The following TMPRSS6 variants were observed in gnomAD, a reference collection of about 807,000 sequenced individuals.
TMPRSS6 encodes the protein transmembrane serine protease 6, also known as transmembrane protease serine 6.
TMPRSS6 carries 67 observed loss-of-function variants against 101.5 expected under a neutral mutation model. That is an observed-to-expected ratio of 0.66 (90% confidence interval 0.54 to 0.81). The LOEUF is 0.81. Ranked by LOEUF, TMPRSS6 falls within the 30% of genes least tolerant of loss-of-function variation. TMPRSS6 has a pLI of 0.00. For missense variants in TMPRSS6, 1,034 were observed against 1,088.7 expected (o/e 0.95, Z 0.71); for synonymous variants, 453 against 464.9 (o/e 0.97, Z 0.33).
At chr22:37,074,753 G>A (rs1248385144) in intron 11 of TMPRSS6, 45 bp from the exon 12 acceptor site, 1 of 1,598,442 alleles carries the variant, frequency 6.3e-7, no homozygotes, top group South Asian at 1.1e-5. Flanking sequence ...GGCGCCATTA[G>A]GCCATGCGTA....
chr22:37,078,961 A>G lies in TMPRSS6; in HGVS notation c.1197-3681T>C, dbSNP rs549055867. ...GGAGAAGGAGAAGGAGAAAAAGAGA[A>G]AGAAAGAAAGAAAAAGAAAGAAAGA... On this transcript the variant is annotated intron_variant, in intron 10 of 17. Transcript: ENST00000676104. 6.9e-3 allele frequency among the ~76,000 whole-genome samples: 639 copies of G among 92,280 alleles called. 11 individuals carry two copies. The highest frequency in any genetic ancestry group is 0.023 in the African/African-American group (568 of 24,756). The allele number at this position is 92,280 out of a possible 152,430, so 60.5% of individuals were successfully genotyped here. A position where few individuals can be genotyped will look rare whatever the true frequency, so the allele number is the denominator to read the frequency against.
chr22:37,085,499 T>C (rs1232054666), intron 8 of TMPRSS6, among the ~76,000 whole-genome samples: 2 of 150,010 alleles, frequency 1.3e-5, no homozygotes, highest in East Asian at 3.9e-4. Context: ...GGGAGAAGAG[T>C]GGGGAGAGAG....
intron 2 of TMPRSS6, 40 bp from the exon 3 acceptor site, chr22:37,098,589 G>A: frequency 6.2e-7 from 1 of 1,613,932 alleles, no homozygotes; most frequent in Non-Finnish European, 8.5e-7. Flanking sequence ...GGAGGAAGCA[G>A]GTGGGAAAGT....
At chr22:37,102,028 G>A (rs886202448) in intron 2 of TMPRSS6, among the ~76,000 whole-genome samples, 6 of 141,440 alleles carry the variant, frequency 4.2e-5, no homozygotes, top group African/African-American at 1.5e-4. Context: ...ACTCCCAGAT[G>A]CTGGTTCCAG....
chr22:37,101,452 T>A lies in TMPRSS6; in HGVS notation c.202+1764A>T, dbSNP rs1428318518. Among the ~76,000 whole-genome samples, 1 of 152,104 alleles carries A rather than the reference T, an allele frequency of 6.6e-6. No homozygotes were observed. The highest frequency in any genetic ancestry group is 1.5e-5 in the Non-Finnish European group (1 of 67,988). ...ACCCTCTCCTCGGGCCAGGCTGTCC[T>A]CCTCGCTTGGGGCCTGTCCTGCTCC... On this transcript the variant is annotated intron_variant, in intron 2 of 17. Transcript: ENST00000676104. The surrounding 1 kb of genome is among the most constrained non-coding windows in gnomAD (Gnocchi z 4.1).
At chr22:37,075,987 AAGAG>A (rs929531497) in intron 10 of TMPRSS6, among the ~76,000 whole-genome samples, 2 of 151,072 alleles carry the variant, frequency 1.3e-5, no homozygotes, top group Admixed American at 6.6e-5. Context: ...GAAAGAAAGA[AAGAG>A]AAAGAAAGGA....
chr22:37,086,182 C>A, intron 8 of TMPRSS6, 101 bp downstream of exon 8: 2 of 1,514,882 alleles, frequency 1.3e-6, no homozygotes, highest in East Asian at 2.3e-5. Context: ...CTCCCCATCC[C>A]ATCCTCAATT....
chr22:37,104,348 C>T (rs1449224039), intron 1 of TMPRSS6, among the ~76,000 whole-genome samples: 1 of 152,206 alleles, frequency 6.6e-6, no homozygotes, highest in African/African-American at 2.4e-5. Context: ...CCCAAGATCA[C>T]ACAGCAGGGA....
intron 10 of TMPRSS6, among the ~76,000 whole-genome samples, chr22:37,077,295 G>A (rs555274329): frequency 8.5e-5 from 13 of 152,234 alleles, no homozygotes; most frequent in Admixed American, 2.0e-4. Flanking sequence ...TTGAGGGGAG[G>A]GCTCCGAATT....
chr22:37,096,831 A>C, intron 3 of TMPRSS6, 116 bp from the exon 4 acceptor site: 2 of 1,024,746 alleles, frequency 2.0e-6, no homozygotes, highest in East Asian at 2.6e-5. Context: ...ATGATTCTCC[A>C]AGGTGGACAG....
chr22:37,107,563 A>AC (rs1474620917), intron 1 of TMPRSS6, among the ~76,000 whole-genome samples: 6 of 137,072 alleles, frequency 4.4e-5, no homozygotes, highest in Non-Finnish European at 7.8e-5. Flanking sequence ...CCAATCACCC[A>AC]CCCCCCTACC....
intron 2 of TMPRSS6, among the ~76,000 whole-genome samples, chr22:37,100,255 C>T (rs559468458): frequency 2.6e-5 from 4 of 152,276 alleles, no homozygotes; most frequent in Non-Finnish European, 4.4e-5. Context: ...GCGTGAGCCA[C>T]GCGCCTGGCC....
In TMPRSS6 at chr22:37,066,973, T is replaced by A. The variant is rs2146020606; in HGVS notation, c.2114-11A>T. ...CGTTGCTGATGGGGCCTGTCCGTGG[T>A]CAAGGGCAGAAGTGAGATCTCAGGA... is the stretch of plus-strand genomic sequence containing the variant. On this transcript the variant is annotated splice_polypyrimidine_tract_variant and intron_variant, in intron 16 of 17. Transcript: ENST00000676104. 1 of 1,614,142 alleles carries A rather than the reference T, an allele frequency of 6.2e-7. No individual in the cohort carries two copies.
At chr22:37,109,453 A>G (rs1228906177) in intron 1 of TMPRSS6, 50 bp downstream of exon 1, 2 of 152,438 alleles carry the variant, frequency 1.3e-5, no homozygotes, top group East Asian at 3.8e-4. Context: ...GGACACTGTC[A>G]CTAGGTCATT....
intron 13 of TMPRSS6, among the ~76,000 whole-genome samples, chr22:37,072,310 GATGGATGGATGATGGATGA>G (rs1379668220): frequency 2.1e-5 from 3 of 146,168 alleles, no homozygotes; most frequent in Non-Finnish European, 3.0e-5. Context: ...ATGGATGATG[GATGGATGGATGATGGATGA>G]ATGGATGGAT....
chr22:37,077,118 G>A (rs1303065280), intron 10 of TMPRSS6, among the ~76,000 whole-genome samples: 1 of 152,212 alleles, frequency 6.6e-6, no homozygotes, highest in Non-Finnish European at 1.5e-5. Flanking sequence ...CATTGGCTAT[G>A]GCATCACAAG....
chr22:37,084,836 C>T lies in TMPRSS6; in HGVS notation c.977G>A (p.Cys326Tyr), dbSNP rs1161457931. The stretch of plus-strand genomic sequence containing the variant: ...GTTGTCCAGCGTCAGGTTCACTTCA[C>T]AGGCTGGACCAGGAGAGCAGCTGTT... ...LSVQPVVFQACEVNLTLDNRL... is the reference protein window; with the variant it reads ...LSVQPVVFQAYEVNLTLDNRL... Residue 326 changes from cysteine (C) to tyrosine (Y), a missense_variant, in exon 9 of 18, where the codon TGT (cysteine) becomes TAT (tyrosine). Physicochemically the swap from Cys to Tyr is radical, Grantham distance 194 (BLOSUM62 -2). Transcript: ENST00000676104. The T allele has an allele frequency of 1.3e-6, 2 of 1,551,846 alleles. No individual in the cohort carries two copies. The highest frequency in any genetic ancestry group is 4.9e-5 in the East Asian group (2 of 41,100).
chr22:37,076,012 AAAGAAGAAAG>A (rs1927630073), intron 10 of TMPRSS6, among the ~76,000 whole-genome samples: 2 of 151,134 alleles, frequency 1.3e-5, no homozygotes, highest in African/African-American at 4.9e-5. Context: ...AGAAAGAAAG[AAAGAAGAAAG>A]AGAAAGAGAA....
chr22:37,101,800 TC>T lies in TMPRSS6; in HGVS notation c.202+1415del, dbSNP rs975045522. 2.6e-5 allele frequency among the ~76,000 whole-genome samples: 4 copies of T among 152,130 alleles called. No individual in the cohort carries two copies. The highest frequency in any genetic ancestry group is 9.7e-5 in the African/African-American group (4 of 41,416). ...AAAGAGAAATAATTGGCAGGTGAGT[TC>T]CTGGCCCTCCAGCCCAGTGCCCCGT... On this transcript the variant is annotated intron_variant, in intron 2 of 17. Coordinates refer to ENST00000676104, the MANE Select transcript of TMPRSS6 (RefSeq NM_001374504.1). This position sits in a 1 kb window ranked among gnomAD's most constrained non-coding sequence, Gnocchi z 4.1.
Sources: allele counts gnomAD v4.1 joint callset (sites outside exome capture counted in the v4.1 genomes callset), GRCh38; gene constraint gnomAD v4.1.1; non-coding constraint Gnocchi (gnomAD v3.1); transcripts MANE v1.5; gene names NCBI Gene and HGNC (gene_info 2026-07-23, HGNC 2026-07-21).